Variants in GRID2 observed in about 807,000 individuals in gnomAD.
GRID2 encodes the protein glutamate ionotropic receptor delta type subunit 2, also known as glutamate receptor ionotropic, delta-2.
A neutral mutation model predicts 114.8 loss-of-function variants in GRID2; 33 were observed. That is an observed-to-expected ratio of 0.29 (90% CI 0.22 to 0.38). The LOEUF (loss-of-function observed/expected upper bound fraction) is 0.38. GRID2 is among the 10% of genes least tolerant of loss of function. GRID2 has a pLI of 1.00. For missense variants in GRID2, 1,184 were observed against 1,257.7 expected, an observed-to-expected ratio of 0.94 and a Z score of 0.89; for synonymous variants, 505 against 449.9, an observed-to-expected ratio of 1.12 and a Z score of -1.55.
intron 2 of GRID2, among the ~76,000 whole-genome samples, chr4:92,896,237 T>C (rs1277760760): frequency 6.6e-6 from 1 of 152,192 alleles, no homozygotes; most frequent in Non-Finnish European, 1.5e-5. Flanking sequence ...GCAATATGTA[T>C]TCAAGGGCTA....
chr4:92,593,590 G>A (rs972446979), intron 2 of GRID2, among the ~76,000 whole-genome samples: 1 of 151,784 alleles, frequency 6.6e-6, no homozygotes, highest in African/African-American at 2.4e-5. Flanking sequence ...CCATTCTCTG[G>A]AGATCAATGA....
chr4:93,636,450 C>T (rs184341162), intron 14 of GRID2, among the ~76,000 whole-genome samples: 13 of 152,174 alleles, frequency 8.5e-5, no homozygotes, highest in African/African-American at 2.6e-4. Context: ...CACATACACA[C>T]GCACACACAC....
At chr4:92,675,777 A>G (rs1733323601) in intron 2 of GRID2, among the ~76,000 whole-genome samples, 1 of 151,828 alleles carries the variant, frequency 6.6e-6, no homozygotes, top group Non-Finnish European at 1.5e-5. Context: ...GATGGTTTCG[A>G]TCTCCTGAAC....
chr4:93,613,551 G>A (rs1277136111), intron 13 of GRID2, among the ~76,000 whole-genome samples: 4 of 79,802 alleles, frequency 5.0e-5, no homozygotes, highest in Admixed American at 1.2e-4. Context: ...TCAGCTGCAG[G>A]TCTGTTGGAA....
chr4:92,450,227 G>A (rs1237240782), intron 1 of GRID2, among the ~76,000 whole-genome samples: 3 of 151,938 alleles, frequency 2.0e-5, no homozygotes, highest in Non-Finnish European at 4.4e-5. Flanking sequence ...CCTATCTTGT[G>A]CCTGATGTAT....
At chr4:93,774,674 A>C (rs968547337), downstream of GRID2, 2 of 152,176 alleles carry the variant, frequency 1.3e-5, no homozygotes, top group East Asian at 1.9e-4. Flanking sequence ...AAATCACATT[A>C]AGTTTTACTG....
At chr4:93,269,240 A>C (rs1365528791) in intron 8 of GRID2, among the ~76,000 whole-genome samples, 1 of 152,180 alleles carries the variant, frequency 6.6e-6, no homozygotes, top group Non-Finnish European at 1.5e-5. Flanking sequence ...AAAAAATGCC[A>C]ATGTCTGTTT....
At chr4:92,827,560 T>A (rs1164786392) in intron 2 of GRID2, among the ~76,000 whole-genome samples, 1 of 152,086 alleles carries the variant, frequency 6.6e-6, no homozygotes, top group East Asian at 1.9e-4. Context: ...TTTGTTTAAA[T>A]GCTAAGTAGC....
chr4:93,104,069 T>C (rs1403814675), intron 3 of GRID2, among the ~76,000 whole-genome samples: 2 of 152,134 alleles, frequency 1.3e-5, no homozygotes, highest in Non-Finnish European at 2.9e-5. Context: ...CTTTGGTGTC[T>C]ATTGTTCCCA....
intron 1 of GRID2, among the ~76,000 whole-genome samples, chr4:92,548,042 G>C (rs183243618): frequency 7.7e-4 from 117 of 152,134 alleles, no homozygotes; most frequent in Admixed American, 2.5e-3. Context: ...CAACAATAAT[G>C]ATAAAATGTA....
At chr4:92,805,966 C>T (rs1323022752) in intron 2 of GRID2, among the ~76,000 whole-genome samples, 1 of 151,800 alleles carries the variant, frequency 6.6e-6, no homozygotes, top group Admixed American at 6.6e-5. Flanking sequence ...CTTCCTGGCA[C>T]TACACAATCA....
At chr4:92,623,116 CTGAT>C (rs1240607643) in intron 2 of GRID2, among the ~76,000 whole-genome samples, 1 of 151,450 alleles carries the variant, frequency 6.6e-6, no homozygotes, top group Non-Finnish European at 1.5e-5. Flanking sequence ...AGATTTCAGG[CTGAT>C]TATCTTTCAT....
intron 13 of GRID2, among the ~76,000 whole-genome samples, chr4:93,618,442 G>T (rs1741910411): frequency 6.6e-6 from 1 of 152,096 alleles, no homozygotes; most frequent in Non-Finnish European, 1.5e-5. Context: ...AATTGTAGAA[G>T]GTAAAATATC....
intron 2 of GRID2, among the ~76,000 whole-genome samples, chr4:92,865,511 T>C (rs1041839468): frequency 3.9e-5 from 6 of 152,226 alleles, no homozygotes; most frequent in African/African-American, 1.4e-4. Context: ...TGTCTATAAC[T>C]TGCCTAATCT....
intron 2 of GRID2, among the ~76,000 whole-genome samples, chr4:92,615,013 C>A (rs1477777387): frequency 6.7e-6 from 1 of 149,998 alleles, no homozygotes; most frequent in Non-Finnish European, 1.5e-5. Context: ...TTATCTTAGT[C>A]TGGTCAGGCT....
At chr4:92,819,166 G>T (rs1281973776) in intron 2 of GRID2, among the ~76,000 whole-genome samples, 1 of 152,108 alleles carries the variant, frequency 6.6e-6, no homozygotes, top group Non-Finnish European at 1.5e-5. Flanking sequence ...ATCATTCAAA[G>T]AATTATCTAG....
At chr4:92,853,453 C>T (rs1238528622) in intron 2 of GRID2, among the ~76,000 whole-genome samples, 1 of 151,962 alleles carries the variant, frequency 6.6e-6, no homozygotes, top group African/African-American at 2.4e-5. Context: ...TAAATCCTCA[C>T]TGTCACTCCA....
chr4:93,188,645 G>A (rs961731265), intron 4 of GRID2, among the ~76,000 whole-genome samples: 1 of 152,118 alleles, frequency 6.6e-6, no homozygotes, highest in Non-Finnish European at 1.5e-5. Flanking sequence ...ACATTGCCAG[G>A]CTGAGAATTT....
At chr4:93,480,077 CAT>C (rs1298754741) in intron 11 of GRID2, among the ~76,000 whole-genome samples, 4 of 152,038 alleles carry the variant, frequency 2.6e-5, no homozygotes, top group African/African-American at 4.8e-5. Flanking sequence ...TAAAACATTA[CAT>C]GTTTGAAGAT....
Sources: gnomAD v4.1 joint callset for allele counts (sites outside exome capture counted in the v4.1 genomes callset) on GRCh38, gnomAD v4.1.1 for gene constraint, MANE v1.5 for transcripts, NCBI Gene and HGNC (gene_info 2026-07-23, HGNC 2026-07-21) for gene names.